The following TRMT44 variants were observed in gnomAD, a reference collection of about 807,000 sequenced individuals.
The protein encoded by TRMT44 is probable tRNA (uracil-O(2)-)-methyltransferase.
TRMT44 carries 78 observed loss-of-function variants against 77.3 expected under a neutral mutation model. The ratio of observed to expected loss-of-function variants is 1.01; its 90% CI spans 0.84 to 1.22. The LOEUF (loss-of-function observed/expected upper bound fraction) is 1.22. TRMT44 is among the 50% of genes most tolerant of loss of function. TRMT44 has a pLI of 0.00. For synonymous variants in TRMT44, 391 were observed against 383.3 expected (o/e 1.02, Z -0.23); for missense variants, 1,090 against 964.4 (o/e 1.13, Z -1.73).
downstream of TRMT44, among the ~76,000 whole-genome samples, chr4:8,496,523 C>G (rs78575390): frequency 6.6e-6 from 1 of 152,162 alleles, no homozygotes; most frequent in Non-Finnish European, 1.5e-5. Flanking sequence ...TTGGGACTGT[C>G]GGTTGCTACA....
Position 8,468,230 on chromosome 4 carries a change from T to C in TRMT44, c.1811T>C (p.Leu604Pro). 6.2e-7 allele frequency: 1 copy of C among 1,614,276 alleles called. No homozygotes were observed. Among genetic ancestry groups the C allele is most frequent in the Non-Finnish European group, 8.5e-7 (1 of 1,180,050 alleles). The change falls in exon 9 of 11, where the codon CTG becomes CCG. Residue 604 changes from leucine to proline, a missense_variant. By Grantham distance (98) the Leu-to-Pro change is moderately conservative (BLOSUM62 -3). Coordinates refer to ENST00000389737, the MANE Select transcript of TRMT44 (RefSeq NM_152544.3). Reference protein sequence around the residue: ...KAERVRNCAALPRDFIDQVVL... With the variant: ...KAERVRNCAAPPRDFIDQVVL... ...GAGCGTGTGAGGAACTGTGCCGCCC[T>C]GCCACGAGATTTTATTGACCAAGTG...
chr4:8,445,508 C>T (rs1725005087), intron 1 of TRMT44, among the ~76,000 whole-genome samples: 1 of 152,252 alleles, frequency 6.6e-6, no homozygotes, highest in South Asian at 2.1e-4. Flanking sequence ...GAGCACACGC[C>T]TGCCCTAGGG....
At position 8,441,340 on chromosome 4, in the gene TRMT44, C is replaced by A. The variant is rs1345253686; in HGVS notation, c.518C>A (p.Pro173Gln). The change falls in exon 1 of 11, where the codon CCA (proline) becomes CAA (glutamine). Residue 173 changes from proline to glutamine, a missense_variant. Physicochemically the swap from Pro to Gln is moderately conservative, Grantham distance 76. Coordinates refer to ENST00000389737, the MANE Select transcript of TRMT44 (RefSeq NM_152544.3). ...FLTSSGAGSQ[P>Q]EAQRELDVVL... Reference sequence around the variant, plus strand: ...ACCAGCTCCGGGGCGGGATCGCAGCCAGAGGCGCAGCGTGAGCTCGACGTG... The same window carrying A: ...ACCAGCTCCGGGGCGGGATCGCAGCAAGAGGCGCAGCGTGAGCTCGACGTG... 2.3e-5 allele frequency: 36 copies of A among 1,535,260 alleles called. No individual in the cohort carries two copies. The highest frequency in any genetic ancestry group is 2.9e-5 in the Non-Finnish European group (33 of 1,146,542).
At chr4:8,489,721 G>T (rs749864839) in intron 2 of TRMT44, among the ~76,000 whole-genome samples, 6 of 152,108 alleles carry the variant, frequency 3.9e-5, no homozygotes, top group Non-Finnish European at 7.3e-5. Flanking sequence ...CAGGTGATCA[G>T]CCTGCCTTGG....
intron 6 of TRMT44, among the ~76,000 whole-genome samples, chr4:8,455,437 G>A (rs540540148): frequency 4.6e-5 from 7 of 152,378 alleles, no homozygotes; most frequent in African/African-American, 1.4e-4. Context: ...CACAGATGAT[G>A]TGTAGGGCAG....
downstream of TRMT44, among the ~76,000 whole-genome samples, chr4:8,495,955 T>A (rs894881787): frequency 6.6e-6 from 1 of 152,230 alleles, no homozygotes; most frequent in East Asian, 1.9e-4. Flanking sequence ...TCATTCTGAT[T>A]GTTTCCCTCC....
At chr4:8,471,896 C>T (rs1288677136) in intron 10 of TRMT44, among the ~76,000 whole-genome samples, 1 of 152,210 alleles carries the variant, frequency 6.6e-6, no homozygotes, top group Non-Finnish European at 1.5e-5. Context: ...GTGGTGTACA[C>T]ACTTCCATCA....
Position 8,475,804 on chromosome 4 carries a change from C to G in TRMT44, c.2077C>G (p.Arg693Gly). ...TGGGAGAGTTCACATCCGCGACTGG[C>G]GAGAGGAGACACTGTGGAAGACAAA... Reference protein sequence around the residue: ...VNGRVHIRDWREETLWKTKQP... With the variant: ...VNGRVHIRDWGEETLWKTKQP... Residue 693 changes from arginine (R) to glycine (G), a missense_variant, in exon 11 of 11, where the codon CGA becomes GGA. By Grantham distance (125) the Arg-to-Gly change is moderately radical. Coordinates refer to ENST00000389737, the MANE Select transcript of TRMT44 (RefSeq NM_152544.3). 6.2e-7 allele frequency: 1 copy of G among 1,614,132 alleles called. No homozygotes were observed. The highest frequency in any genetic ancestry group is 8.5e-7 in the Non-Finnish European group (1 of 1,180,032).
At chr4:8,456,416 AAGC>A (rs2109121243) in intron 6 of TRMT44, among the ~76,000 whole-genome samples, 1 of 152,322 alleles carries the variant, frequency 6.6e-6, no homozygotes, top group Admixed American at 6.5e-5. Flanking sequence ...GTCTCCCAAG[AAGC>A]AGAGAAAAGT....
chr4:8,454,748 G>T lies in TRMT44; in HGVS notation c.1138G>T (p.Gly380Cys). The change falls in exon 6 of 11, where the codon GGC (glycine) becomes TGC (cysteine). Residue 380 changes from glycine to cysteine, a missense_variant. Gly to Cys is a radical substitution (Grantham distance 159). Transcript: ENST00000389737. ...CTAAAATTAATTTTTTCAGCATCCA[G>T]GCAGAGGGATTGATGTCCGAAGAAG... ...VHILSSEGHP[G>C]RGIDVRRRKI... 1 of 1,614,158 alleles carries T rather than the reference G, an allele frequency of 6.2e-7. No individual in the cohort carries two copies. Among genetic ancestry groups the T allele is most frequent in the South Asian group, 1.1e-5 (1 of 91,086 alleles).
intron 2 of TRMT44, among the ~76,000 whole-genome samples, chr4:8,489,664 G>T (rs778405072): frequency 1.3e-5 from 2 of 152,130 alleles, no homozygotes; most frequent in Non-Finnish European, 1.5e-5. Flanking sequence ...TTTTAGTAGA[G>T]ATGGGGTTTC....
rs368523216 is a variant in TRMT44, at chr4:8,475,860, T to C, written c.2133T>C (p.Ser711=). The C allele has an allele frequency of 5.1e-5, 83 of 1,614,222 alleles. No homozygotes were observed. The East Asian group carries it at 1.3e-3, about 25-fold the overall frequency. ...KQPEAKQRLL[S]EACKTRLCWF... is the part of the protein sequence containing the mutation. ...CGGAAGCGAAACAGAGACTGCTCTC[T>C]GAAGCCTGCAAAACCCGCCTCTGCT... The change falls in exon 11 of 11, where the codon TCT becomes TCC. Residue 711 remains serine (S), a synonymous_variant. Transcript: ENST00000389737.
downstream of TRMT44, among the ~76,000 whole-genome samples, chr4:8,496,469 G>A (rs754618071): frequency 6.6e-6 from 1 of 152,178 alleles, no homozygotes; most frequent in African/African-American, 2.4e-5. Context: ...AGGAGTGTGT[G>A]TTTGCATCTC....
intron 2 of TRMT44, among the ~76,000 whole-genome samples, chr4:8,489,090 G>A (rs1417130115): frequency 6.6e-6 from 1 of 152,224 alleles, no homozygotes; most frequent in African/African-American, 2.4e-5. Flanking sequence ...GTGTCATCCG[G>A]CAACTCAGGA....
Position 8,458,502 on chromosome 4 carries a change from C to A in TRMT44, c.1203+3689C>A, listed in dbSNP as rs188523465. 9.2e-3 allele frequency among the ~76,000 whole-genome samples: 1,295 copies of A among 141,186 alleles called. 7 individuals carry two copies. Among genetic ancestry groups the A allele is most frequent in the Middle Eastern group, 0.029 (8 of 272 alleles). 92.6% of individuals were successfully genotyped at this position (141,186 alleles called of 152,430 possible). On this transcript the variant is annotated intron_variant, in intron 6 of 10. Transcript: ENST00000389737. ...TTTTTGAGACGGAGTCTTGCTCTGTCGCCCAGGCTGGAGTGCAGTGGTGTG... is the reference window on the plus strand; with the variant it reads ...TTTTTGAGACGGAGTCTTGCTCTGTAGCCCAGGCTGGAGTGCAGTGGTGTG...
chr4:8,449,959 T>TTC (rs1725332554), intron 3 of TRMT44, 71 bp downstream of exon 3: 1 of 353,848 alleles, frequency 2.8e-6, no homozygotes, highest in Non-Finnish European at 4.1e-6. Context: ...CTTTTTTTTT[T>TTC]TTTTTTTTTT....
At position 8,441,186 on chromosome 4, in the gene TRMT44, A is replaced by G; in HGVS notation, c.364A>G (p.Arg122Gly). Residue 122 changes from arginine (R) to glycine (G), a missense_variant, in exon 1 of 11, where the codon AGG (arginine) becomes GGG (glycine). By Grantham distance (125) the Arg-to-Gly change is moderately radical. Transcript: ENST00000389737. ...GAGGGAAGCCGCCTCAGTGCCCCTG[A>G]GGGACTCCGGGCACCCCGGCCATGC... is the stretch of plus-strand genomic sequence containing the variant. ...AQREAASVPL[R>G]DSGHPGHAEG... 6.5e-7 allele frequency: 1 copy of G among 1,534,528 alleles called. No homozygotes were observed. Among genetic ancestry groups the G allele is most frequent in the Non-Finnish European group, 8.7e-7 (1 of 1,146,060 alleles).
Position 8,452,088 on chromosome 4 carries a change from T to C in TRMT44, c.1023+60T>C. 7.2e-7 allele frequency: 1 copy of C among 1,380,892 alleles called. No individual in the cohort carries two copies. The highest frequency in any genetic ancestry group is 1.4e-5 in the African/African-American group (1 of 70,018). 85.5% of individuals were successfully genotyped at this position (1,380,892 alleles called of 1,614,324 possible). ...GGGTGGAGTTTGCTACAGGCAGATG[T>C]TCCCTGTAGTGAAGGACATTTTCCA... On this transcript the variant is annotated intron_variant, in intron 4 of 10. Coordinates refer to ENST00000389737, the MANE Select transcript of TRMT44 (RefSeq NM_152544.3). The surrounding 1 kb of genome is among the most constrained non-coding windows in gnomAD (Gnocchi z 5.7).
intron 6 of TRMT44, among the ~76,000 whole-genome samples, chr4:8,460,139 C>T (rs756595597): frequency 6.6e-6 from 1 of 152,124 alleles, no homozygotes; most frequent in African/African-American, 2.4e-5. Flanking sequence ...GAAAATGACT[C>T]CCTAATGGGA....
Sources: allele counts gnomAD v4.1 joint callset (sites outside exome capture counted in the v4.1 genomes callset), GRCh38; gene constraint gnomAD v4.1.1; non-coding constraint Gnocchi (gnomAD v3.1); transcripts MANE v1.5; gene names NCBI Gene and HGNC (gene_info 2026-07-23, HGNC 2026-07-21).